The following RBP3 variants were observed in gnomAD, a reference collection of about 807,000 sequenced individuals.
RBP3 encodes retinol binding protein 3, also known as retinol-binding protein 3.
RBP3 carries 50 observed loss-of-function variants against 64.8 expected under a neutral mutation model. The ratio of observed to expected loss-of-function variants is 0.77; its 90% CI spans 0.61 to 0.98. The LOEUF (loss-of-function observed/expected upper bound fraction) is 0.98, where lower values mean the gene tolerates loss of function less well. Among genes scored for constraint, RBP3 ranks in the 50% least tolerant of loss-of-function variants. RBP3 has a pLI of 0.00. For synonymous variants in RBP3, 828 were observed against 730.2 expected (o/e 1.13, Z -2.16); for missense variants, 1,712 against 1,660.5 (o/e 1.03, Z -0.54).
rs145437524 is a variant in RBP3 at position 47,350,814 on chromosome 10, C to T, written c.2330C>T (p.Ala777Val). 2.0e-4 allele frequency: 330 copies of T among 1,613,046 alleles called. No individual in the cohort carries two copies. Among genetic ancestry groups the T allele is most frequent in the Admixed American group, 2.8e-4 (17 of 60,026 alleles). Residue 777 changes from alanine (A) to valine (V), a missense_variant, in exon 1 of 4, where the codon GCG (alanine) becomes GTG (valine). Ala to Val is a moderately conservative substitution (Grantham distance 64). Transcript: ENST00000584701. ...LVWQQLVDTA[A>V]LVIDLRYNPG... ...TGGCAACAGCTGGTGGACACGGCTG[C>T]GCTGGTGATCGACCTGCGCTACAAC...
chr10:47,350,345 G>A lies in RBP3; in HGVS notation c.1861G>A (p.Glu621Lys), dbSNP rs1555211362. 1 of 1,612,168 alleles carries A rather than the reference G, an allele frequency of 6.2e-7. No individual in the cohort carries two copies. The highest frequency in any genetic ancestry group is 8.5e-7 in the Non-Finnish European group (1 of 1,179,956). The change falls in exon 1 of 4, where the codon GAG becomes AAG. Residue 621 changes from glutamate (E) to lysine (K), a missense_variant. Physicochemically the swap from Glu to Lys is moderately conservative, Grantham distance 56. Coordinates refer to ENST00000584701, the MANE Select transcript of RBP3 (RefSeq NM_002900.3). ...GCCCGATGCCATCGTGCTGGCCGAG[G>A]AGGCCCTGGACAAAGCCCAGGAAGT... ...VVPDAIVLAE[E>K]ALDKAQEVLE...
In RBP3 at chr10:47,351,159, C is replaced by T; in HGVS notation, c.2675C>T (p.Ser892Phe). 6.2e-7 allele frequency: 1 copy of T among 1,613,128 alleles called. No homozygotes were observed. The highest frequency in any genetic ancestry group is 1.1e-5 in the South Asian group (1 of 91,082). The change falls in exon 1 of 4, where the codon TCC becomes TTC. Residue 892 changes from serine (S) to phenylalanine (F), a missense_variant. Transcript: ENST00000584701. ...GTGGGCAGCAGCCCCTTATATGCAT[C>T]CATGCCCACCCAGATGGCCATGAGT... Reference protein sequence around the residue: ...YQVGSSPLYASMPTQMAMSAT... With the variant: ...YQVGSSPLYAFMPTQMAMSAT...
In RBP3 at chr10:47,350,975, G is replaced by A. The variant is rs782324558; in HGVS notation, c.2491G>A (p.Gly831Ser). The A allele has an allele frequency of 1.7e-5, 28 of 1,612,236 alleles. No homozygotes were observed. The highest frequency in any genetic ancestry group is 2.1e-5 in the Non-Finnish European group (25 of 1,179,972). The change falls in exon 1 of 4, where the codon GGC becomes AGC. Residue 831 changes from glycine to serine, a missense_variant. Physicochemically the swap from Gly to Ser is moderately conservative, Grantham distance 56. Coordinates refer to ENST00000584701, the MANE Select transcript of RBP3 (RefSeq NM_002900.3). ...GGTGTGGACCTTGCCCCAGGTCGCC[G>A]GCCAGCGCTACGGCTCACACAAGGA... The part of the protein sequence containing the change: ...TEVWTLPQVA[G>S]QRYGSHKDLY...
intron 1 of RBP3, 60 bp downstream of exon 1, chr10:47,351,598 G>T: frequency 6.3e-7 from 1 of 1,587,254 alleles, no homozygotes; most frequent in South Asian, 1.1e-5. Flanking sequence ...CCCATTGTCC[G>T]CACATGCAGG....
chr10:47,356,552 A>G (rs929714947), intron 3 of RBP3, among the ~76,000 whole-genome samples: 1 of 152,212 alleles, frequency 6.6e-6, no homozygotes, highest in Non-Finnish European at 1.5e-5. Context: ...TTACATTTTG[A>G]AAAGAATGTA....
Position 47,348,677 on chromosome 10 carries a change from T to A in RBP3, c.193T>A (p.Ser65Thr). 6.2e-7 allele frequency: 1 copy of A among 1,613,564 alleles called. No individual in the cohort carries two copies. Among genetic ancestry groups the A allele is most frequent in the Non-Finnish European group, 8.5e-7 (1 of 1,180,002 alleles). The part of the protein sequence containing the change: ...AIKSHEILSI[S>T]DPQTLASVLT... ...CAAGAGCCATGAGATTCTGAGCATC[T>A]CAGACCCGCAGACGCTGGCCAGTGT... is the stretch of plus-strand genomic sequence containing the variant. The change falls in exon 1 of 4, where the codon TCA becomes ACA. Residue 65 changes from serine to threonine, a missense_variant. Ser to Thr is a moderately conservative substitution (Grantham distance 58). Transcript: ENST00000584701.
chr10:47,351,310 G>C lies in RBP3; in HGVS notation c.2826G>C (p.Gln942His). ...ALRAKVPTVL[Q>H]TAGKLVADNY... ...GTGCCAAGGTGCCCACGGTGCTGCAGACGGCCGGGAAGCTGGTGGCTGATA... is the reference window on the plus strand; with the variant it reads ...GTGCCAAGGTGCCCACGGTGCTGCACACGGCCGGGAAGCTGGTGGCTGATA... Residue 942 changes from glutamine (Q) to histidine (H), a missense_variant, in exon 1 of 4, where the codon CAG becomes CAC. Transcript: ENST00000584701. 6.2e-7 allele frequency: 1 copy of C among 1,613,532 alleles called. No homozygotes were observed. The highest frequency in any genetic ancestry group is 8.5e-7 in the Non-Finnish European group (1 of 1,180,052).
chr10:47,353,638 C>A, intron 2 of RBP3, 123 bp downstream of exon 2: 1 of 1,152,152 alleles, frequency 8.7e-7, no homozygotes, highest in Admixed American at 1.8e-5. Context: ...CTGAGGGGGG[C>A]CAGGCCTCCT....
chr10:47,349,076 A>G lies in RBP3; in HGVS notation c.592A>G (p.Thr198Ala), dbSNP rs1287309702. ...AGGGAACACCATCCTGCACGTGGAC[A>G]CTATCTACAACCGCCCCTCCAACAC... is the stretch of plus-strand genomic sequence containing the variant. ...HPGNTILHVDTIYNRPSNTTT... is the reference protein window; with the variant it reads ...HPGNTILHVDAIYNRPSNTTT... Residue 198 changes from threonine to alanine, a missense_variant, in exon 1 of 4, where the codon ACT becomes GCT. Physicochemically the swap from Thr to Ala is moderately conservative, Grantham distance 58 (BLOSUM62 0). Transcript: ENST00000584701. 2 of 1,613,880 alleles carry G rather than the reference A, an allele frequency of 1.2e-6. No individual in the cohort carries two copies. Among genetic ancestry groups the G allele is most frequent in the Non-Finnish European group, 1.7e-6 (2 of 1,180,028 alleles).
chr10:47,348,669 T>C lies in RBP3; in HGVS notation c.185T>C (p.Leu62Pro). 1.2e-6 allele frequency: 2 copies of C among 1,613,628 alleles called. No homozygotes were observed. Among genetic ancestry groups the C allele is most frequent in the Non-Finnish European group, 1.7e-6 (2 of 1,180,020 alleles). The stretch of plus-strand genomic sequence containing the variant: ...CAGGCCATCAAGAGCCATGAGATTC[T>C]GAGCATCTCAGACCCGCAGACGCTG... The part of the protein sequence containing the change: ...IQQAIKSHEI[L>P]SISDPQTLAS... The change falls in exon 1 of 4, where the codon CTG (leucine) becomes CCG (proline). Residue 62 changes from leucine to proline, a missense_variant. By Grantham distance (98) the Leu-to-Pro change is moderately conservative. Coordinates refer to ENST00000584701, the MANE Select transcript of RBP3 (RefSeq NM_002900.3).
chr10:47,356,174 G>A (rs1411929077), intron 3 of RBP3, among the ~76,000 whole-genome samples: 1 of 152,204 alleles, frequency 6.6e-6, no homozygotes, highest in Non-Finnish European at 1.5e-5. Context: ...GGGTGTGCCT[G>A]TGACCAGAGA....
rs1203880333 is a variant in RBP3, at chr10:47,349,146, A to T, written c.662A>T (p.Tyr221Phe). ...WTLPQVLGERYGADKDVVVLT... is the reference protein window; with the variant it reads ...WTLPQVLGERFGADKDVVVLT... ...TTGCCCCAGGTCCTGGGAGAAAGGTACGGTGCCGACAAGGATGTGGTGGTC... is the reference window on the plus strand; with the variant it reads ...TTGCCCCAGGTCCTGGGAGAAAGGTTCGGTGCCGACAAGGATGTGGTGGTC... The change falls in exon 1 of 4, where the codon TAC becomes TTC. Residue 221 changes from tyrosine to phenylalanine, a missense_variant. Transcript: ENST00000584701. 6.2e-7 allele frequency: 1 copy of T among 1,613,832 alleles called. No homozygotes were observed. The highest frequency in any genetic ancestry group is 8.5e-7 in the Non-Finnish European group (1 of 1,180,030).
chr10:47,349,916 C>G lies in RBP3; in HGVS notation c.1432C>G (p.Leu478Val). The G allele has an allele frequency of 6.2e-7, 1 of 1,612,860 alleles. No individual in the cohort carries two copies. The highest frequency in any genetic ancestry group is 8.5e-7 in the Non-Finnish European group (1 of 1,179,736). Residue 478 changes from leucine to valine, a missense_variant, in exon 1 of 4, where the codon CTG becomes GTG. Physicochemically the swap from Leu to Val is conservative, Grantham distance 32. Transcript: ENST00000584701. ...LQDTEHLIMD[L>V]RHNPGGPSSA... Reference sequence around the variant, plus strand: ...GGACACGGAGCACCTCATCATGGACCTGCGCCACAACCCTGGAGGGCCATC... The same window carrying G: ...GGACACGGAGCACCTCATCATGGACGTGCGCCACAACCCTGGAGGGCCATC...
At position 47,349,727 on chromosome 10, in the gene RBP3, TTGCC is replaced by T; in HGVS notation, c.1246_1249del (p.Pro416ArgfsTer149). 1 of 1,612,094 alleles carries T rather than the reference TTGCC, an allele frequency of 6.2e-7. No individual in the cohort carries two copies. The highest frequency in any genetic ancestry group is 8.5e-7 in the Non-Finnish European group (1 of 1,179,956). On this transcript the variant is annotated frameshift_variant, in exon 1 of 4. Coordinates refer to ENST00000584701, the MANE Select transcript of RBP3 (RefSeq NM_002900.3). LOFTEE classifies it high-confidence loss of function. The stretch of plus-strand genomic sequence containing the variant: ...AGACTCACCAGGGGTGGCCCCAGAG[TTGCC>T]TGAGGACGAGGCTATCCGGCAAGCA...
rs199687745 is a variant in RBP3 at position 47,349,262 on chromosome 10, G to A, written c.778G>A (p.Gly260Arg). 17 of 1,613,126 alleles carry A rather than the reference G, an allele frequency of 1.1e-5. No homozygotes were observed. Among genetic ancestry groups the A allele is most frequent in the African/African-American group, 8.0e-5 (6 of 75,048 alleles). Residue 260 changes from glycine to arginine, a missense_variant, in exon 1 of 4, where the codon GGG (glycine) becomes AGG (arginine). Gly to Arg is a moderately radical substitution (Grantham distance 125). Transcript: ENST00000584701. ...RRAIVVGERT[G>R]GGALDLRKLR... ...GGCCATCGTGGTGGGCGAGCGGACT[G>A]GGGGAGGGGCCCTGGACCTCCGGAA...
intron 1 of RBP3, among the ~76,000 whole-genome samples, chr10:47,352,887 C>T (rs182566998): frequency 3.9e-5 from 6 of 152,284 alleles, no homozygotes; most frequent in Admixed American, 3.9e-4. Flanking sequence ...AGATGGGGAT[C>T]GTGTTATCTC....
chr10:47,353,296 A>T (rs1837002525), intron 1 of RBP3, 29 bp from the exon 2 acceptor site: 1 of 1,610,928 alleles, frequency 6.2e-7, no homozygotes, highest in Admixed American at 1.7e-5. Context: ...GCTCCTCCTG[A>T]CACTGAGTAG....
In RBP3 at chr10:47,348,461, A is replaced by G; in HGVS notation, c.-24A>G. The G allele has an allele frequency of 6.3e-7, 1 of 1,598,610 alleles. No homozygotes were observed. Among genetic ancestry groups the G allele is most frequent in the Non-Finnish European group, 8.5e-7 (1 of 1,179,672 alleles). On this transcript the variant is annotated 5_prime_UTR_variant, in exon 1 of 4. Transcript: ENST00000584701. ...ACAGTCCAGGGAGCTTTTGTGCAGG[A>G]GCCAGGCCTCCCCCTGGGTCCCCAT...
rs781881610 is a variant in RBP3, at chr10:47,348,580, C to T, written c.96C>T (p.Ala32=). The T allele has an allele frequency of 1.9e-6, 3 of 1,613,338 alleles. No homozygotes were observed. Among genetic ancestry groups the T allele is most frequent in the Admixed American group, 1.7e-5 (1 of 60,032 alleles). ...LFQPSLVLDM[A]KVLLDNYCFP... ...AGCCAAGCCTGGTGCTGGACATGGC[C>T]AAGGTCCTCTTGGATAACTACTGCT... Residue 32 remains alanine (A), a synonymous_variant, in exon 1 of 4, where the codon GCC becomes GCT. Transcript: ENST00000584701.
Sources: allele counts gnomAD v4.1 joint callset (sites outside exome capture counted in the v4.1 genomes callset), GRCh38; gene constraint gnomAD v4.1.1; transcripts MANE v1.5; gene names NCBI Gene and HGNC (gene_info 2026-07-23, HGNC 2026-07-21).